The following FAM120A variants were observed in gnomAD, a reference collection of about 807,000 sequenced individuals.
FAM120A encodes family with sequence similarity 120 member A.
Under a neutral mutation model 109.7 loss-of-function variants are expected in FAM120A, and 15 were observed. The ratio of observed to expected loss-of-function variants is 0.14; its 90% CI spans 0.09 to 0.21. FAM120A has a LOEUF of 0.21. FAM120A is among the 10% of genes least tolerant of loss of function. The probability of loss-of-function intolerance (pLI) is 1.00; values close to 1 mark genes in which losing one functional copy is unlikely to be tolerated. For synonymous variants in FAM120A, 493 were observed against 572.8 expected, an observed-to-expected ratio of 0.86 and a Z score of 1.99; for missense variants, 899 against 1,439.3, an observed-to-expected ratio of 0.62 and a Z score of 6.07.
chr9:93,532,858 C>T lies in FAM120A; in HGVS notation c.1909+529C>T, dbSNP rs1861381247. 6.6e-6 allele frequency among the ~76,000 whole-genome samples: 1 copy of T among 152,158 alleles called. No individual in the cohort carries two copies. Among genetic ancestry groups the T allele is most frequent in the Admixed American group, 6.5e-5 (1 of 15,274 alleles). On this transcript the variant is annotated intron_variant, in intron 10 of 17. Coordinates refer to ENST00000277165, the MANE Select transcript of FAM120A (RefSeq NM_014612.5). The surrounding 1 kb of genome is among the most constrained non-coding windows in gnomAD (Gnocchi z 4.3). The stretch of plus-strand genomic sequence containing the variant: ...GATTGTGATGATTTGTCTCGGAATC[C>T]TCTGAGACCTGTGCACTTCCAGCTG...
intron 1 of FAM120A, among the ~76,000 whole-genome samples, chr9:93,455,781 G>C (rs546161298): frequency 3.0e-4 from 45 of 152,046 alleles, no homozygotes; most frequent in African/African-American, 1.1e-3. Context: ...TCCTACCTCA[G>C]CCTCCCTAGT....
intron 7 of FAM120A, 74 bp from the exon 8 acceptor site, chr9:93,527,081 C>G: frequency 2.5e-6 from 3 of 1,183,336 alleles, no homozygotes; most frequent in Non-Finnish European, 3.8e-6. Context: ...GAAGACTTAG[C>G]TGAGGCCCTT....
chr9:93,538,298 CG>C (rs1248509272), intron 10 of FAM120A, among the ~76,000 whole-genome samples: 1 of 152,026 alleles, frequency 6.6e-6, no homozygotes, highest in East Asian at 1.9e-4. Flanking sequence ...TGCTTACAGA[CG>C]TATCAGCCTG....
intron 1 of FAM120A, among the ~76,000 whole-genome samples, chr9:93,462,878 GCTC>G (rs1326852150): frequency 2.0e-5 from 3 of 152,150 alleles, no homozygotes; most frequent in Non-Finnish European, 4.4e-5. Flanking sequence ...CCTCCTTAAG[GCTC>G]AATAACATTC....
Position 93,498,860 on chromosome 9 carries a change from T to C in FAM120A, c.1004T>C (p.Met335Thr), listed in dbSNP as rs529864267. The part of the protein sequence containing the change: ...IGYYSATSKP[M>T]SFHPPHYLAA... Reference sequence around the variant, plus strand: ...TATTATTCAGCGACTAGTAAGCCTATGTCATTTCATCCACCACATTACTTA... The same window carrying C: ...TATTATTCAGCGACTAGTAAGCCTACGTCATTTCATCCACCACATTACTTA... Residue 335 changes from methionine to threonine, a missense_variant, in exon 5 of 18, where the codon ATG becomes ACG. Transcript: ENST00000277165. This position sits in a 1 kb window ranked among gnomAD's most constrained non-coding sequence, Gnocchi z 4.4. 1.9e-6 allele frequency: 3 copies of C among 1,608,142 alleles called. No individual in the cohort carries two copies. The African/African-American group carries it at 4.0e-5, about 21-fold the overall frequency.
At chr9:93,490,403 G>A (rs186375082) in intron 3 of FAM120A, among the ~76,000 whole-genome samples, 1 of 152,320 alleles carries the variant, frequency 6.6e-6, no homozygotes, top group Admixed American at 6.5e-5. Context: ...GGATTTTAGA[G>A]ATTAGGTCAG....
At chr9:93,534,601 C>T (rs1861447157) in intron 10 of FAM120A, among the ~76,000 whole-genome samples, 2 of 152,138 alleles carry the variant, frequency 1.3e-5, no homozygotes, top group Non-Finnish European at 2.9e-5. Flanking sequence ...TGAGAACTTA[C>T]AGGAACTCCC....
rs186770541 is a variant in FAM120A at position 93,504,369 on chromosome 9, A to G, written c.1030+5483A>G. ...CTGTAAAAAAAATGATTTTGTAACT[A>G]TCATACTACAATGTGTTAGTCTTAG... On this transcript the variant is annotated intron_variant, in intron 5 of 17. Transcript: ENST00000277165. Among the ~76,000 whole-genome samples, 29 of 152,298 alleles carry G rather than the reference A, an allele frequency of 1.9e-4. 1 individual carries two copies. The Middle Eastern group carries it at 0.017, about 89-fold the overall frequency.
rs1220804609 is a variant in FAM120A at position 93,451,973 on chromosome 9, C to T, written c.58C>T (p.Pro20Ser). Residue 20 changes from proline (P) to serine (S), a missense_variant, in exon 1 of 18, where the codon CCG becomes TCG. By Grantham distance (74) the Pro-to-Ser change is moderately conservative. Around this residue, in one of 11 missense-constraint regions of FAM120A, gnomAD observed 258 missense variants for 451.4 expected, o/e 0.57. Coordinates refer to ENST00000277165, the MANE Select transcript of FAM120A (RefSeq NM_014612.5). The stretch of plus-strand genomic sequence containing the variant: ...GAAGCACTGCCCGAGCGCCGTGGTG[C>T]CGGTGGAGCTGCAGAAGCTGGCCCG... ...IEKHCPSAVV[P>S]VELQKLARGS... The T allele has an allele frequency of 1.3e-6, 2 of 1,541,798 alleles. No homozygotes were observed. The highest frequency in any genetic ancestry group is 8.7e-7 in the Non-Finnish European group (1 of 1,145,066).
At chr9:93,555,053 G>C (rs1466070582) in intron 12 of FAM120A, among the ~76,000 whole-genome samples, 1 of 152,186 alleles carries the variant, frequency 6.6e-6, no homozygotes, top group African/African-American at 2.4e-5. Flanking sequence ...GGTGGGGGTG[G>C]CTGGGGTCTA....
chr9:93,527,815 G>A (rs919908049), intron 8 of FAM120A, among the ~76,000 whole-genome samples: 1 of 151,638 alleles, frequency 6.6e-6, no homozygotes, highest in African/African-American at 2.4e-5. Flanking sequence ...TAGAGACGGG[G>A]TGTCGCCATG....
rs1261028159 is a variant in FAM120A at position 93,471,120 on chromosome 9, A to G, written c.475-21A>G. On this transcript the variant is annotated intron_variant, in intron 1 of 17. Transcript: ENST00000277165. ...TACAGTGTTACCCTACATCTGATGA[A>G]GTTTTTTTCTCGTTTGCCAGGTTGC... The G allele has an allele frequency of 3.1e-6, 5 of 1,613,204 alleles. No individual in the cohort carries two copies. The South Asian group carries it at 3.3e-5, about 11-fold the overall frequency.
intron 13 of FAM120A, among the ~76,000 whole-genome samples, chr9:93,557,126 G>GTTTTTTTTTT (rs1361346618): frequency 8.8e-6 from 1 of 114,028 alleles, no homozygotes; most frequent in African/African-American, 4.0e-5. Flanking sequence ...TGTTTGTTTT[G>GTTTTTTTTTT]GTTTTTTTTT....
At chr9:93,505,227 A>AT (rs1175266108) in intron 5 of FAM120A, among the ~76,000 whole-genome samples, 1 of 151,502 alleles carries the variant, frequency 6.6e-6, no homozygotes, top group Non-Finnish European at 1.5e-5. Context: ...CGCCTGGCTA[A>AT]TTTTTTGTAT....
In FAM120A at chr9:93,532,639, C is replaced by G. The variant is rs906352702; in HGVS notation, c.1909+310C>G. On this transcript the variant is annotated intron_variant, in intron 10 of 17. Transcript: ENST00000277165. The surrounding 1 kb of genome is among the most constrained non-coding windows in gnomAD (Gnocchi z 4.3). ...TTGCCGCCACTCTCTGTAATTACCA[C>G]GTCTTGGTAATCAGGACGAGTGAGT... 6 of 340,858 alleles carry G rather than the reference C, an allele frequency of 1.8e-5. No homozygotes were observed. The highest frequency in any genetic ancestry group is 1.3e-4 in the Admixed American group (3 of 22,668). 21.1% of individuals were successfully genotyped at this position (340,858 alleles called of 1,614,324 possible). A position where few individuals can be genotyped will look rare whatever the true frequency, so the allele number is the denominator to read the frequency against.
At chr9:93,550,978 C>A (rs1032824577) in intron 12 of FAM120A, among the ~76,000 whole-genome samples, 4 of 152,202 alleles carry the variant, frequency 2.6e-5, no homozygotes, top group African/African-American at 7.2e-5. Flanking sequence ...TTATTTATCA[C>A]ATCATGAAAT....
At chr9:93,489,017 A>T (rs1859196323) in intron 3 of FAM120A, among the ~76,000 whole-genome samples, 1 of 151,990 alleles carries the variant, frequency 6.6e-6, no homozygotes, top group African/African-American at 2.4e-5. Flanking sequence ...TTAAAAAAAA[A>T]AAAAAAAGTT....
In FAM120A at chr9:93,532,095, G is replaced by C. The variant is rs1861351738; in HGVS notation, c.1735-60G>C. 2.7e-6 allele frequency: 4 copies of C among 1,455,736 alleles called. No homozygotes were observed. In the African/African-American group the frequency reaches 5.6e-5, roughly 20 times the overall value. 90.2% of individuals were successfully genotyped at this position (1,455,736 alleles called of 1,614,324 possible). ...GAGATAATACAGTATATTTCTGTGAGTGTATTGTAAATTCAACATGAAAAA... is the reference window on the plus strand; with the variant it reads ...GAGATAATACAGTATATTTCTGTGACTGTATTGTAAATTCAACATGAAAAA... On this transcript the variant is annotated intron_variant, in intron 9 of 17. Coordinates refer to ENST00000277165, the MANE Select transcript of FAM120A (RefSeq NM_014612.5). This position sits in a 1 kb window ranked among gnomAD's most constrained non-coding sequence, Gnocchi z 4.3.
chr9:93,544,898 T>G (rs1861827369), intron 11 of FAM120A, among the ~76,000 whole-genome samples: 1 of 152,130 alleles, frequency 6.6e-6, no homozygotes, highest in Non-Finnish European at 1.5e-5. Flanking sequence ...GCTCTCACCT[T>G]TTGTAACCGT....
Sources: gnomAD v4.1 joint callset for allele counts (sites outside exome capture counted in the v4.1 genomes callset) on GRCh38, gnomAD v4.1.1 for gene constraint, gnomAD v4.1.1 regional missense constraint, Gnocchi (gnomAD v3.1) non-coding constraint, MANE v1.5 for transcripts, NCBI Gene and HGNC (gene_info 2026-07-23, HGNC 2026-07-21) for gene names.